ABCA9: variants seen among roughly 807,000 people sequenced by gnomAD.
ABCA9 encodes ATP-binding cassette sub-family A member 9.
In ABCA9, 183 loss-of-function variants were observed where a neutral mutation model predicts 205.3. The ratio of observed to expected loss-of-function variants is 0.89; its 90% CI spans 0.79 to 1.01. The LOEUF is 1.01. Ranked by LOEUF, ABCA9 falls within the 50% of genes least tolerant of loss-of-function variation. The pLI is 0.00. For missense variants in ABCA9, 1,805 were observed against 1,912.4 expected (o/e 0.94, Z 1.05); for synonymous variants, 651 against 683.3 (o/e 0.95, Z 0.74).
At chr17:69,071,063 A>T in the ABCA9 span, among the ~76,000 whole-genome samples, 2 of 152,196 alleles carry the variant, frequency 1.3e-5, no homozygotes, top group Admixed American at 1.3e-4. Flanking sequence ...TGGGCAGGGC[A>T]TCTCTGAAAG....
chr17:69,011,221 G>C (rs1229923446), intron 23 of ABCA9, among the ~76,000 whole-genome samples: 1 of 152,098 alleles, frequency 6.6e-6, no homozygotes, highest in Non-Finnish European at 1.5e-5. Context: ...AGTAACTTTT[G>C]AGATTCATGC....
intron 16 of ABCA9, among the ~76,000 whole-genome samples, 176 bp from the exon 17 acceptor site, chr17:69,024,529 G>A (rs1567952817): frequency 6.6e-6 from 1 of 152,104 alleles, no homozygotes; most frequent in Non-Finnish European, 1.5e-5. Context: ...TTAAATCTAT[G>A]CAACATGGCA....
At chr17:69,078,661 G>C in the ABCA9 span, 12 of 196,216 alleles carry the variant, frequency 6.1e-5, no homozygotes, top group African/African-American at 1.4e-4. Flanking sequence ...TTCAGCAAGA[G>C]AATGTTTTGT....
chr17:69,036,386 T>G (rs1333740809), intron 6 of ABCA9, among the ~76,000 whole-genome samples: 1 of 152,140 alleles, frequency 6.6e-6, no homozygotes, highest in African/African-American at 2.4e-5. Context: ...TCATTGAATT[T>G]TTTTCCCAAG....
intron 25 of ABCA9, among the ~76,000 whole-genome samples, chr17:68,999,953 C>T (rs112859698): frequency 6.1e-4 from 93 of 152,194 alleles, no homozygotes; most frequent in Middle Eastern, 3.4e-3. Flanking sequence ...TCATGTCCTT[C>T]GCCCACTTTT....
In ABCA9 at chr17:69,018,414, T is replaced by G. The variant is rs757642773; in HGVS notation, c.2766A>C (p.Thr922=). 6.5e-7 allele frequency: 1 copy of G among 1,547,278 alleles called. No individual in the cohort carries two copies. Among genetic ancestry groups the G allele is most frequent in the Non-Finnish European group, 8.7e-7 (1 of 1,153,274 alleles). The change falls in exon 20 of 39, where the codon ACA becomes ACC. Residue 922 remains threonine, a splice_region_variant and synonymous_variant. Transcript: ENST00000340001. ...GCTGCATTTCAGCCCCATGTTCACC[T>G]GTCTTATTGATGACCAGTAAATGGG... ...PLTHLLVINK[T]GSTIDNFLHS...
chr17:69,021,164 G>A (rs2070794208), intron 18 of ABCA9, among the ~76,000 whole-genome samples: 1 of 151,836 alleles, frequency 6.6e-6, no homozygotes, highest in East Asian at 1.9e-4. Context: ...ATGAATAAGA[G>A]AGGAAAAGGA....
At chr17:69,045,500 T>C (rs966831187) in intron 3 of ABCA9, among the ~76,000 whole-genome samples, 164 bp from the exon 4 acceptor site, 1 of 150,254 alleles carries the variant, frequency 6.7e-6, no homozygotes, top group Non-Finnish European at 1.5e-5. Context: ...TCTGATGTTC[T>C]AGATAAAATC....
At chr17:69,078,196 G>T in the ABCA9 span, among the ~76,000 whole-genome samples, 5 of 137,446 alleles carry the variant, frequency 3.6e-5, no homozygotes, top group Admixed American at 1.6e-4. Flanking sequence ...AGGTTTTTTG[G>T]TTTTGTTTTT....
At chr17:69,045,671 G>T (rs941852604) in intron 3 of ABCA9, among the ~76,000 whole-genome samples, 1 of 152,074 alleles carries the variant, frequency 6.6e-6, no homozygotes, top group African/African-American at 2.4e-5. Context: ...CCCTATGACT[G>T]GGGAAGCCTC....
At chr17:69,070,362 G>A in the ABCA9 span, among the ~76,000 whole-genome samples, 5 of 152,162 alleles carry the variant, frequency 3.3e-5, no homozygotes, top group South Asian at 2.1e-4. Flanking sequence ...CGCAGAAGAC[G>A]GGTGATTTCT....
In ABCA9 at chr17:68,984,986, C is replaced by A; in HGVS notation, c.4285-7G>T. The A allele has an allele frequency of 1.2e-6, 2 of 1,614,170 alleles. No homozygotes were observed. Among genetic ancestry groups the A allele is most frequent in the South Asian group, 1.1e-5 (1 of 91,074 alleles). ...TGCTCAGCACAAAGCACAGCTGCAA[C>A]GGGAGGAACAGCCCCTCTGGTTCCC... On this transcript the variant is annotated splice_polypyrimidine_tract_variant and splice_region_variant and intron_variant, in intron 33 of 38. Transcript: ENST00000340001.
At position 68,989,966 on chromosome 17, in the gene ABCA9, C is replaced by T. The variant is rs755403207; in HGVS notation, c.3838-36G>A. ...AAGTAAATAACAACGGGACTTTATT[C>T]GCATCTTGAACTGAGAGGGTGTTCC... On this transcript the variant is annotated intron_variant, in intron 29 of 38. Transcript: ENST00000340001. 2.4e-5 allele frequency: 35 copies of T among 1,448,314 alleles called. No homozygotes were observed. In the East Asian group the frequency reaches 4.3e-4, roughly 18 times the overall value. 89.7% of individuals were successfully genotyped at this position (1,448,314 alleles called of 1,614,324 possible). A position where few individuals can be genotyped will look rare whatever the true frequency, so the allele number is the denominator to read the frequency against.
Position 69,007,834 on chromosome 17 carries a change from G to C in ABCA9, c.3360C>G (p.Phe1120Leu). The change falls in exon 25 of 39, where the codon TTC becomes TTG. Residue 1120 changes from phenylalanine (F) to leucine (L), a missense_variant. By Grantham distance (22) the Phe-to-Leu change is conservative (BLOSUM62 0). Coordinates refer to ENST00000340001, the MANE Select transcript of ABCA9 (RefSeq NM_080283.4). Reference sequence around the variant, plus strand: ...AAATGAATGAAATCACATATGTCAAGAAAACAAGAGATGAGACATAGCCAA... The same window carrying C: ...AAATGAATGAAATCACATATGTCAACAAAACAAGAGATGAGACATAGCCAA... ...CSIGYVSSLV[F>L]LTYVISFIFR... 1 of 1,610,548 alleles carries C rather than the reference G, an allele frequency of 6.2e-7. No homozygotes were observed. The highest frequency in any genetic ancestry group is 1.3e-5 in the African/African-American group (1 of 74,890).
At chr17:69,069,354 G>T in the ABCA9 span, among the ~76,000 whole-genome samples, 1 of 152,122 alleles carries the variant, frequency 6.6e-6, no homozygotes, top group Non-Finnish European at 1.5e-5. Flanking sequence ...CTGCAGCCGG[G>T]GGAGACATTC....
intron 26 of ABCA9, among the ~76,000 whole-genome samples, chr17:68,994,995 C>T (rs968179696): frequency 2.0e-5 from 3 of 152,186 alleles, no homozygotes; most frequent in Non-Finnish European, 4.4e-5. Flanking sequence ...TACTCACAGT[C>T]ACCACATCCT....
At chr17:69,027,525 C>T in intron 13 of ABCA9, 76 bp from the exon 14 acceptor site, 2 of 1,564,566 alleles carry the variant, frequency 1.3e-6, no homozygotes, top group Non-Finnish European at 1.7e-6. Context: ...CTGTTCTTTA[C>T]AAAGGGCCTT....
chr17:69,011,918 G>C (rs1055449522), intron 23 of ABCA9, 58 bp downstream of exon 23: 1 of 1,165,956 alleles, frequency 8.6e-7, no homozygotes, highest in East Asian at 2.6e-5. Flanking sequence ...ATAGTCGTAA[G>C]GGTGTGGGAA....
chr17:69,028,792 G>T, intron 11 of ABCA9, 147 bp from the exon 12 acceptor site: 1 of 473,008 alleles, frequency 2.1e-6, no homozygotes, highest in Non-Finnish European at 3.6e-6. Context: ...TTTTAAAACT[G>T]TATTTCAACA....
Sources: allele counts gnomAD v4.1 joint callset (sites outside exome capture counted in the v4.1 genomes callset), GRCh38; gene constraint gnomAD v4.1.1; transcripts MANE v1.5; gene names NCBI Gene and HGNC (gene_info 2026-07-23, HGNC 2026-07-21).